The following CPNE5 variants were observed in gnomAD, a reference collection of about 807,000 sequenced individuals.
CPNE5 encodes copine-5.
CPNE5 carries 42 observed loss-of-function variants against 81.1 expected under a neutral mutation model. That is an observed-to-expected ratio of 0.52 (90% CI 0.40 to 0.67). The LOEUF is 0.67. CPNE5 is among the 30% of genes least tolerant of loss of function. The pLI is 0.00. For missense variants in CPNE5, 612 were observed against 815.5 expected, an observed-to-expected ratio of 0.75 and a Z score of 3.04; for synonymous variants, 313 against 321.5, an observed-to-expected ratio of 0.97 and a Z score of 0.28.
At position 36,811,866 on chromosome 6, in the gene CPNE5, G is replaced by T. The variant is rs577627851; in HGVS notation, c.183+10248C>A. 8.5e-5 allele frequency among the ~76,000 whole-genome samples: 13 copies of T among 152,264 alleles called. No homozygotes were observed. In the South Asian group the frequency reaches 2.5e-3, roughly 29 times the overall value. On this transcript the variant is annotated intron_variant, in intron 3 of 20. Coordinates refer to ENST00000244751, the MANE Select transcript of CPNE5 (RefSeq NM_020939.2). Reference sequence around the variant, plus strand: ...TGACTGTAATCCCAGCACTTTGGGAGGCCGAGGTGGGCGGATCTCCTGAGC... The same window carrying T: ...TGACTGTAATCCCAGCACTTTGGGATGCCGAGGTGGGCGGATCTCCTGAGC...
chr6:36,826,972 T>C (rs1772554220), intron 1 of CPNE5, among the ~76,000 whole-genome samples: 2 of 152,090 alleles, frequency 1.3e-5, no homozygotes, highest in Admixed American at 6.5e-5. Context: ...GTCAGCCTTG[T>C]CAGACAGGTC....
At chr6:36,799,378 C>T (rs1036413075) in intron 4 of CPNE5, among the ~76,000 whole-genome samples, 8 of 152,162 alleles carry the variant, frequency 5.3e-5, no homozygotes, top group Non-Finnish European at 1.0e-4. Flanking sequence ...CCTGACCACT[C>T]TTCTGTGGGG....
Position 36,746,352 on chromosome 6 carries a change from C to A in CPNE5, c.1200+44G>T, listed in dbSNP as rs1195241355. 6.5e-7 allele frequency: 1 copy of A among 1,544,954 alleles called. No individual in the cohort carries two copies. ...CCCCACCCCCAGCTTGTCACCTCAC[C>A]CCCAGCCTGATCAGTCCTCTCTCCC... On this transcript the variant is annotated intron_variant, in intron 16 of 20. Coordinates refer to ENST00000244751, the MANE Select transcript of CPNE5 (RefSeq NM_020939.2). This position sits in a 1 kb window ranked among gnomAD's most constrained non-coding sequence, Gnocchi z 4.5.
intron 17 of CPNE5, 22 bp from the exon 18 acceptor site, chr6:36,745,172 T>C: frequency 1.3e-6 from 2 of 1,595,778 alleles, no homozygotes; most frequent in Non-Finnish European, 1.7e-6. Context: ...AGGTGTGGGC[T>C]CAGGTCTGTC....
chr6:36,823,095 G>A lies in CPNE5; in HGVS notation c.99C>T (p.Asn33=). 6.4e-7 allele frequency: 1 copy of A among 1,569,044 alleles called. No individual in the cohort carries two copies. Among genetic ancestry groups the A allele is most frequent in the Non-Finnish European group, 8.7e-7 (1 of 1,155,616 alleles). The change falls in exon 2 of 21, where the codon AAC becomes AAT. Residue 33 remains asparagine (N), a synonymous_variant. Coordinates refer to ENST00000244751, the MANE Select transcript of CPNE5 (RefSeq NM_020939.2). ...TKVEITVSCR[N]LLDKDMFSKS... ...TGGAAAACATGTCTTTGTCCAGGAG[G>A]TTCCTGAAAGAGGGGGAGAGAGGAG...
At chr6:36,794,765 A>C in intron 6 of CPNE5, 116 bp from the exon 7 acceptor site, 1 of 898,690 alleles carries the variant, frequency 1.1e-6, no homozygotes, top group South Asian at 1.5e-5. Context: ...GGAAGTCATT[A>C]AAACAGGATC....
intron 3 of CPNE5, among the ~76,000 whole-genome samples, chr6:36,807,659 T>C (rs1479993530): frequency 3.3e-5 from 5 of 152,102 alleles, no homozygotes; most frequent in Admixed American, 3.3e-4. Flanking sequence ...TCGTCCTCCA[T>C]CTAAAGGGGT....
At chr6:36,753,793 TATC>T (rs2150384435) in intron 13 of CPNE5, among the ~76,000 whole-genome samples, 1 of 152,354 alleles carries the variant, frequency 6.6e-6, no homozygotes, top group Non-Finnish European at 1.5e-5. Context: ...GGCAGCTCAT[TATC>T]ATAACAATTT....
At chr6:36,838,690 C>G in intron 1 of CPNE5, 1 of 847,828 alleles carries the variant, frequency 1.2e-6, no homozygotes, top group Non-Finnish European at 1.4e-6. Context: ...TATCATGTAT[C>G]CACACCTTAG....
At chr6:36,811,997 G>A (rs1402537445) in intron 3 of CPNE5, among the ~76,000 whole-genome samples, 1 of 152,132 alleles carries the variant, frequency 6.6e-6, no homozygotes, top group Non-Finnish European at 1.5e-5. Flanking sequence ...CTAGTTACTC[G>A]GGAGGCTGAG....
rs9380601 is a variant in CPNE5 at position 36,785,841 on chromosome 6, C to T, written c.528+6192G>A. Among the ~76,000 whole-genome samples, 172 of 152,052 alleles carry T rather than the reference C, an allele frequency of 1.1e-3. 5 individuals are homozygous for T. The East Asian group carries it at 0.028, about 25-fold the overall frequency. ...CAGCCTGGCCAACATGGTGAAACCCCGTCTCTACCAAAAACACAAAAATTA... is the reference window on the plus strand; with the variant it reads ...CAGCCTGGCCAACATGGTGAAACCCTGTCTCTACCAAAAACACAAAAATTA... On this transcript the variant is annotated intron_variant, in intron 8 of 20. Transcript: ENST00000244751.
rs743869 is a variant in CPNE5 at position 36,744,355 on chromosome 6, G to T, written c.1432-30C>A. ...GAGACAGCATGGGGGGCAGGGAAAGGTTGGACCCAATTGGGACCCAGTTAA... is the reference window on the plus strand; with the variant it reads ...GAGACAGCATGGGGGGCAGGGAAAGTTTGGACCCAATTGGGACCCAGTTAA... On this transcript the variant is annotated intron_variant, in intron 18 of 20. Coordinates refer to ENST00000244751, the MANE Select transcript of CPNE5 (RefSeq NM_020939.2). 9.2e-3 allele frequency: 14,262 copies of T among 1,557,522 alleles called. 1,017 individuals carry two copies. In the African/African-American group the frequency reaches 0.16, roughly 17 times the overall value.
chr6:36,791,945 G>C (rs149180159), intron 8 of CPNE5, 88 bp downstream of exon 8: 2 of 1,162,134 alleles, frequency 1.7e-6, no homozygotes, highest in Admixed American at 1.7e-5. Context: ...GTCTACCCTC[G>C]GTTCCCTCCA....
chr6:36,745,863 C>A (rs1357932481), intron 16 of CPNE5, among the ~76,000 whole-genome samples: 15 of 152,186 alleles, frequency 9.9e-5, no homozygotes, highest in African/African-American at 3.6e-4. Flanking sequence ...GATCTGTCCA[C>A]GTGCACACTG....
chr6:36,776,267 T>C (rs1321572080), intron 9 of CPNE5, among the ~76,000 whole-genome samples: 1 of 152,184 alleles, frequency 6.6e-6, no homozygotes, highest in East Asian at 1.9e-4. Flanking sequence ...GTGCCTGGGC[T>C]CCACCCATAC....
intron 1 of CPNE5, chr6:36,827,397 C>T (rs1321005988): frequency 8.1e-6 from 8 of 985,266 alleles, no homozygotes; most frequent in African/African-American, 7.0e-5. Context: ...ACCCCTGCCC[C>T]GGGGTATAAA....
chr6:36,800,463 G>C (rs1022719690), intron 3 of CPNE5, among the ~76,000 whole-genome samples: 12 of 152,024 alleles, frequency 7.9e-5, no homozygotes, highest in African/African-American at 2.9e-4. Context: ...TTATTTCTCT[G>C]AGCCTCCACC....
intron 8 of CPNE5, among the ~76,000 whole-genome samples, chr6:36,786,394 C>G (rs1380315100): frequency 6.6e-6 from 1 of 152,188 alleles, no homozygotes; most frequent in African/African-American, 2.4e-5. Context: ...ACTGTAATAA[C>G]CATGTTGAGG....
chr6:36,831,292 T>G (rs1162068436), intron 1 of CPNE5, among the ~76,000 whole-genome samples: 2 of 151,980 alleles, frequency 1.3e-5, no homozygotes, highest in Non-Finnish European at 2.9e-5. Context: ...TGACCTCAAG[T>G]GATCTGCCCA....
Sources: allele counts gnomAD v4.1 joint callset (sites outside exome capture counted in the v4.1 genomes callset), GRCh38; gene constraint gnomAD v4.1.1; non-coding constraint Gnocchi (gnomAD v3.1); transcripts MANE v1.5; gene names NCBI Gene and HGNC (gene_info 2026-07-23, HGNC 2026-07-21).